The following AKR1B10 variants were observed in gnomAD, a reference collection of about 807,000 sequenced individuals.
The protein encoded by AKR1B10 is aldo-keto reductase family 1 member B10.
Under a neutral mutation model 38.9 loss-of-function variants are expected in AKR1B10, and 39 were observed. That is an observed-to-expected ratio of 1.00 (90% CI 0.78 to 1.31). The LOEUF (loss-of-function observed/expected upper bound fraction) is 1.31. Among genes scored for constraint, AKR1B10 ranks in the 50% most tolerant of loss-of-function variants. AKR1B10 has a pLI of 0.00. For synonymous variants in AKR1B10, 148 were observed against 141.2 expected, an observed-to-expected ratio of 1.05 and a Z score of -0.34; for missense variants, 361 against 382.6, an observed-to-expected ratio of 0.94 and a Z score of 0.47.
intron 1 of AKR1B10, among the ~76,000 whole-genome samples, chr7:134,528,661 G>A (rs893011160): frequency 6.6e-6 from 1 of 152,134 alleles, no homozygotes; most frequent in Non-Finnish European, 1.5e-5. Context: ...AGGGGTCAAG[G>A]CTGCAATGAG....
chr7:134,528,784 G>C (rs970876947), intron 1 of AKR1B10, among the ~76,000 whole-genome samples: 1 of 152,084 alleles, frequency 6.6e-6, no homozygotes, highest in East Asian at 1.9e-4. Flanking sequence ...ACAAAATGCA[G>C]AGTCTCAGGC....
rs1279450453 is a variant in AKR1B10, at chr7:134,539,158, G to A, written c.908+141G>A. The A allele has an allele frequency of 4.3e-6, 4 of 937,654 alleles. No homozygotes were observed. The African/African-American group carries it at 6.6e-5, about 16-fold the overall frequency. The allele number at this position is 937,654 out of a possible 1,614,324, so 58.1% of individuals were successfully genotyped here. On this transcript the variant is annotated intron_variant, in intron 9 of 9. Transcript: ENST00000359579. ...GGGGCAATTTTGAAAGTTAAAATTG[G>A]GGTACCTGGGAATCACTGTGAGGGA...
intron 9 of AKR1B10, among the ~76,000 whole-genome samples, chr7:134,539,377 T>C (rs1012976735): frequency 2.0e-5 from 3 of 152,146 alleles, no homozygotes; most frequent in Non-Finnish European, 4.4e-5. Context: ...GCTGCCTCCA[T>C]AGGCTTAGGG....
intron 2 of AKR1B10, among the ~76,000 whole-genome samples, chr7:134,531,205 G>A (rs144707002): frequency 2.6e-5 from 4 of 152,178 alleles, no homozygotes; most frequent in African/African-American, 9.6e-5. Flanking sequence ...CTCAGCCAGG[G>A]GGAATTTTAG....
chr7:134,528,995 G>C (rs706181), intron 1 of AKR1B10, among the ~76,000 whole-genome samples: 75,004 of 151,890 alleles, frequency 0.49, 19,903 homozygotes, highest in African/African-American at 0.71. Context: ...CCGAGCCTCT[G>C]TTAGGCTAAG....
Position 134,530,755 on chromosome 7 carries a change from A to C in AKR1B10, c.179A>C (p.Gln60Pro), listed in dbSNP as rs773135869. The C allele has an allele frequency of 1.2e-6, 2 of 1,614,044 alleles. No homozygotes were observed. The highest frequency in any genetic ancestry group is 2.2e-5 in the South Asian group (2 of 91,066). ...GAACATGAAGTGGGGGAAGCCATCCAAGAGAAGATCCAAGAGAAGGCTGTG... is the reference window on the plus strand; with the variant it reads ...GAACATGAAGTGGGGGAAGCCATCCCAGAGAAGATCCAAGAGAAGGCTGTG... ...QNEHEVGEAI[Q>P]EKIQEKAVKR... is the part of the protein sequence containing the mutation. Residue 60 changes from glutamine to proline, a missense_variant, in exon 2 of 10, where the codon CAA (glutamine) becomes CCA (proline). Physicochemically the swap from Gln to Pro is moderately conservative, Grantham distance 76. This residue lies in a region of AKR1B10 where 220 missense variants were observed against 216.1 expected (regional missense o/e 1.02). Transcript: ENST00000359579.
chr7:134,536,659 G>A lies in AKR1B10; in HGVS notation c.439G>A (p.Glu147Lys). Residue 147 changes from glutamate to lysine, a missense_variant, in exon 5 of 10, where the codon GAG becomes AAG. Physicochemically the swap from Glu to Lys is moderately conservative, Grantham distance 56 (BLOSUM62 1). Around this residue, in one of 3 missense-constraint regions of AKR1B10, gnomAD observed 220 missense variants for 216.1 expected, o/e 1.02. Transcript: ENST00000359579. The stretch of plus-strand genomic sequence containing the variant: ...TTCCTTTCTATGATAGGCCATGGAG[G>A]AGCTGGTGGATGAGGGGCTGGTGAA... Reference protein sequence around the residue: ...TFLDAWEAMEELVDEGLVKAL... With the variant: ...TFLDAWEAMEKLVDEGLVKAL... The A allele has an allele frequency of 1.2e-6, 2 of 1,613,870 alleles. No individual in the cohort carries two copies. Among genetic ancestry groups the A allele is most frequent in the Non-Finnish European group, 1.7e-6 (2 of 1,179,810 alleles).
intron 6 of AKR1B10, 149 bp from the exon 7 acceptor site, chr7:134,537,431 C>G (rs558276513): frequency 3.6e-5 from 47 of 1,301,008 alleles, no homozygotes; most frequent in Middle Eastern, 5.5e-4. Flanking sequence ...CTTCAGAGCC[C>G]GGGGAAAGGA....
chr7:134,533,883 A>C (rs1426654639), intron 4 of AKR1B10, among the ~76,000 whole-genome samples: 5 of 152,214 alleles, frequency 3.3e-5, no homozygotes, highest in African/African-American at 9.6e-5. Context: ...ATGCTAGTAG[A>C]GAATGAAGTG....
At position 134,537,606 on chromosome 7, in the gene AKR1B10, T is replaced by C; in HGVS notation, c.686T>C (p.Leu229Pro). 4.3e-6 allele frequency: 7 copies of C among 1,614,050 alleles called. No homozygotes were observed. The highest frequency in any genetic ancestry group is 3.4e-6 in the Non-Finnish European group (4 of 1,179,934). ...GCCAAGCCAGAAGACCCTTCCCTGCTGGAGGATCCCAAGATTAAGGAGATT... is the reference window on the plus strand; with the variant it reads ...GCCAAGCCAGAAGACCCTTCCCTGCCGGAGGATCCCAAGATTAAGGAGATT... ...PWAKPEDPSL[L>P]EDPKIKEIAA... The change falls in exon 7 of 10, where the codon CTG (leucine) becomes CCG (proline). Residue 229 changes from leucine (L) to proline (P), a missense_variant. Leu to Pro is a moderately conservative substitution (Grantham distance 98). Coordinates refer to ENST00000359579, the MANE Select transcript of AKR1B10 (RefSeq NM_020299.5).
chr7:134,538,843 T>C (rs1808078611), intron 8 of AKR1B10, 92 bp from the exon 9 acceptor site: 4 of 1,448,230 alleles, frequency 2.8e-6, no homozygotes, highest in Non-Finnish European at 3.8e-6. Context: ...GTGCTGTGAA[T>C]GTGAGCTCCC....
chr7:134,539,110 C>T, intron 9 of AKR1B10, 93 bp downstream of exon 9: 3 of 1,481,576 alleles, frequency 2.0e-6, no homozygotes, highest in East Asian at 2.3e-5. Context: ...GCTGGGACTA[C>T]TTGTGTCTTC....
intron 6 of AKR1B10, 38 bp from the exon 7 acceptor site, chr7:134,537,542 C>T: frequency 6.3e-7 from 1 of 1,597,654 alleles, no homozygotes; most frequent in Middle Eastern, 2.0e-4. Context: ...ACATGGTAGC[C>T]ATGGTGATTA....
chr7:134,532,172 G>C, intron 3 of AKR1B10, 148 bp downstream of exon 3: 1 of 979,266 alleles, frequency 1.0e-6, no homozygotes. Flanking sequence ...AGAGACCTTG[G>C]AGAAGAAACA....
rs1807718057 is a variant in AKR1B10 at position 134,527,711 on chromosome 7, C to T, written c.-201C>T. 1.5e-5 allele frequency: 7 copies of T among 455,012 alleles called. 1 individual carries two copies. Among genetic ancestry groups the T allele is most frequent in the East Asian group, 7.7e-5 (2 of 25,932 alleles). The allele number at this position is 455,012 out of a possible 1,614,324, so 28.2% of individuals were successfully genotyped here. On this transcript the variant is annotated 5_prime_UTR_variant, in exon 1 of 10. In the 5' UTR this introduces an upstream ATG that the reference lacks. Transcript: ENST00000359579. ...CAATATAAAAATTAGCTGGGAGTCACGGTGGGCGCCTGTAATCCCAGCTAC... is the reference window on the plus strand; with the variant it reads ...CAATATAAAAATTAGCTGGGAGTCATGGTGGGCGCCTGTAATCCCAGCTAC...
In AKR1B10 at chr7:134,533,192, T is replaced by C. The variant is rs1807910706; in HGVS notation, c.429+111T>C. 5 of 881,670 alleles carry C rather than the reference T, an allele frequency of 5.7e-6. No individual in the cohort carries two copies. The Admixed American group carries it at 1.4e-4, about 25-fold the overall frequency. 54.6% of individuals were successfully genotyped at this position (881,670 alleles called of 1,614,324 possible). ...GCCTGATGCTTTCTAATTTCATCAT[T>C]GTGATTTTCTAGCTCTTCTAATATC... is the stretch of plus-strand genomic sequence containing the variant. On this transcript the variant is annotated intron_variant, in intron 4 of 9. Coordinates refer to ENST00000359579, the MANE Select transcript of AKR1B10 (RefSeq NM_020299.5).
At chr7:134,531,285 T>A (rs1177570943) in intron 2 of AKR1B10, among the ~76,000 whole-genome samples, 3 of 152,182 alleles carry the variant, frequency 2.0e-5, no homozygotes, top group Non-Finnish European at 4.4e-5. Context: ...AGGTGAGGGA[T>A]ACAATGTTAT....
At chr7:134,528,912 G>T (rs530335878) in intron 1 of AKR1B10, among the ~76,000 whole-genome samples, 18 of 152,136 alleles carry the variant, frequency 1.2e-4, no homozygotes, top group African/African-American at 4.1e-4. Context: ...GGAGTCGTGA[G>T]CACCACCCGG....
chr7:134,532,103 G>C, intron 3 of AKR1B10, 79 bp downstream of exon 3: 1 of 1,543,950 alleles, frequency 6.5e-7, no homozygotes, highest in Non-Finnish European at 8.9e-7. Flanking sequence ...GCTGTGGGGT[G>C]GTGTGGACTG....
Sources: allele counts gnomAD v4.1 joint callset (sites outside exome capture counted in the v4.1 genomes callset), GRCh38; gene constraint gnomAD v4.1.1; regional missense constraint gnomAD v4.1.1; transcripts MANE v1.5; gene names NCBI Gene and HGNC (gene_info 2026-07-23, HGNC 2026-07-21).